The following HPSE2 variants were observed in gnomAD, a reference collection of about 807,000 sequenced individuals.
The protein encoded by HPSE2 is inactive heparanase-2.
HPSE2 carries 38 observed loss-of-function variants against 60.5 expected under a neutral mutation model. That is an observed-to-expected ratio of 0.63 (90% CI 0.48 to 0.82). HPSE2 has a LOEUF of 0.82. Among genes scored for constraint, HPSE2 ranks in the 40% least tolerant of loss-of-function variants. The pLI is 0.00. For missense variants in HPSE2, 713 were observed against 740.4 expected, an observed-to-expected ratio of 0.96 and a Z score of 0.43; for synonymous variants, 295 against 293.2, an observed-to-expected ratio of 1.01 and a Z score of -0.06.
chr10:98,822,890 G>A (rs1839351863), intron 3 of HPSE2, among the ~76,000 whole-genome samples: 1 of 152,160 alleles, frequency 6.6e-6, no homozygotes, highest in Non-Finnish European at 1.5e-5. Context: ...GTTACTTTAT[G>A]GGGCAAAAGA....
chr10:98,871,884 T>C (rs148332254), intron 3 of HPSE2, among the ~76,000 whole-genome samples: 2 of 152,206 alleles, frequency 1.3e-5, no homozygotes, highest in African/African-American at 4.8e-5. Context: ...GCAATAGAAG[T>C]TGAACCTTGA....
At chr10:99,285,501 A>AGGGAGGGG in the HPSE2 span, among the ~76,000 whole-genome samples, 4 of 113,920 alleles carry the variant, frequency 3.5e-5, no homozygotes, top group African/African-American at 1.1e-4. Context: ...GGAGGGAGGG[A>AGGGAGGGG]AAGGAAAGGG....
At chr10:99,134,108 G>T (rs183992514) in intron 3 of HPSE2, among the ~76,000 whole-genome samples, 14 of 152,110 alleles carry the variant, frequency 9.2e-5, no homozygotes, top group Non-Finnish European at 1.8e-4. Context: ...TCGATCAAGC[G>T]AAAGAAAGGG....
Position 98,537,496 on chromosome 10 carries a change from A to T in HPSE2, c.1321-47300T>A, listed in dbSNP as rs1161945488. 2.0e-5 allele frequency among the ~76,000 whole-genome samples: 3 copies of T among 152,354 alleles called. No homozygotes were observed. The East Asian group carries it at 5.8e-4, about 29-fold the overall frequency. The stretch of plus-strand genomic sequence containing the variant: ...ATTATCAATCATTATTATAAACATT[A>T]TTAATCATTAGCTTTTAATATTACT... On this transcript the variant is annotated intron_variant, in intron 9 of 11. Transcript: ENST00000370552.
the HPSE2 span, among the ~76,000 whole-genome samples, chr10:99,270,722 T>C: frequency 1.3e-5 from 2 of 152,128 alleles, no homozygotes; most frequent in Non-Finnish European, 2.9e-5. Context: ...TGAACACAGA[T>C]GCAAAAATCC....
At chr10:98,657,513 T>G (rs1265859398) in intron 6 of HPSE2, among the ~76,000 whole-genome samples, 1 of 152,146 alleles carries the variant, frequency 6.6e-6, no homozygotes, top group Non-Finnish European at 1.5e-5. Context: ...ATTTTTGTAT[T>G]TTTAGTAGAG....
chr10:98,737,717 C>G (rs1949393487), intron 4 of HPSE2, among the ~76,000 whole-genome samples: 1 of 152,254 alleles, frequency 6.6e-6, no homozygotes, highest in Non-Finnish European at 1.5e-5. Flanking sequence ...AGTAAACTCC[C>G]ATTCACAATT....
At chr10:98,667,605 A>G (rs1257369932) in intron 6 of HPSE2, among the ~76,000 whole-genome samples, 1 of 152,230 alleles carries the variant, frequency 6.6e-6, no homozygotes, top group Admixed American at 6.5e-5. Flanking sequence ...TATTCCTGAT[A>G]TGCAAGGTTG....
At chr10:99,114,082 A>T (rs1372927909) in intron 3 of HPSE2, among the ~76,000 whole-genome samples, 1 of 114,074 alleles carries the variant, frequency 8.8e-6, no homozygotes, top group Non-Finnish European at 2.3e-5. Flanking sequence ...ATCAATTAGG[A>T]AAAATTTCCA....
chr10:99,192,866 A>G (rs1848267843), intron 2 of HPSE2, among the ~76,000 whole-genome samples: 1 of 152,146 alleles, frequency 6.6e-6, no homozygotes, highest in South Asian at 2.1e-4. Flanking sequence ...TCAATACCAG[A>G]CCTGTCCTAC....
At chr10:98,778,458 CAGTT>C (rs1349003710) in intron 3 of HPSE2, among the ~76,000 whole-genome samples, 1 of 151,954 alleles carries the variant, frequency 6.6e-6, no homozygotes, top group Non-Finnish European at 1.5e-5. Context: ...CATATCTACA[CAGTT>C]AGTGCGGGAT....
chr10:99,045,409 G>A (rs557756293), intron 3 of HPSE2, among the ~76,000 whole-genome samples: 9 of 151,978 alleles, frequency 5.9e-5, no homozygotes, highest in East Asian at 5.8e-4. Flanking sequence ...ATTAACAATC[G>A]AACATTGCAC....
At chr10:99,233,604 G>C (rs966681738) in intron 1 of HPSE2, among the ~76,000 whole-genome samples, 1 of 152,166 alleles carries the variant, frequency 6.6e-6, no homozygotes, top group Non-Finnish European at 1.5e-5. Flanking sequence ...TACTGTTTCA[G>C]ATTCTGAAAA....
the HPSE2 span, among the ~76,000 whole-genome samples, chr10:99,243,688 C>T: frequency 2.0e-5 from 3 of 152,126 alleles, no homozygotes; most frequent in Admixed American, 1.3e-4. Flanking sequence ...GTAATCCCAG[C>T]ATTTTGGGAG....
chr10:99,033,251 A>G (rs538064450), intron 3 of HPSE2, among the ~76,000 whole-genome samples: 2 of 152,286 alleles, frequency 1.3e-5, no homozygotes, highest in African/African-American at 4.8e-5. Context: ...AATGTTTTCT[A>G]TTTCCTTTTG....
chr10:99,186,098 A>G (rs1049265164), intron 2 of HPSE2, among the ~76,000 whole-genome samples: 7 of 143,848 alleles, frequency 4.9e-5, no homozygotes, highest in African/African-American at 1.9e-4. Flanking sequence ...TAAGCAGGAT[A>G]AATAACCACA....
chr10:98,735,553 A>G (rs1450347351), intron 4 of HPSE2, among the ~76,000 whole-genome samples: 1 of 151,848 alleles, frequency 6.6e-6, no homozygotes. Context: ...AAAGCTCCAG[A>G]GACTCAATGC....
intron 4 of HPSE2, among the ~76,000 whole-genome samples, chr10:98,724,176 G>A (rs1469453275): frequency 1.3e-5 from 2 of 151,830 alleles, no homozygotes; most frequent in East Asian, 1.9e-4. Context: ...CTTTGTTCTC[G>A]TTGGGTTCAA....
chr10:98,593,491 A>G (rs1945146986), intron 9 of HPSE2, among the ~76,000 whole-genome samples: 1 of 152,186 alleles, frequency 6.6e-6, no homozygotes, highest in South Asian at 2.1e-4. Flanking sequence ...CATATGTTTA[A>G]CTATGATAAT....
Sources: gnomAD v4.1 joint callset for allele counts (sites outside exome capture counted in the v4.1 genomes callset) on GRCh38, gnomAD v4.1.1 for gene constraint, MANE v1.5 for transcripts, NCBI Gene and HGNC (gene_info 2026-07-23, HGNC 2026-07-21) for gene names.